BBX: variants seen among roughly 807,000 people sequenced by gnomAD.
BBX encodes the protein BBX high mobility group box domain containing.
BBX carries 30 observed loss-of-function variants against 100.2 expected under a neutral mutation model. That is an observed-to-expected ratio of 0.30 (90% confidence interval 0.22 to 0.41). The LOEUF is 0.41. BBX is among the 10% of genes least tolerant of loss of function. BBX has a pLI of 1.00. For synonymous variants in BBX, 376 were observed against 388.1 expected (o/e 0.97, Z 0.37); for missense variants, 1,023 against 1,129.8 (o/e 0.91, Z 1.35).
chr3:107,662,797 A>G (rs1301173843), intron 3 of BBX: 4 of 152,138 alleles, frequency 2.6e-5, no homozygotes, highest in South Asian at 2.1e-4. Context: ...TGGGCAATCT[A>G]CTTCACAATG....
chr3:107,708,791 G>A (rs559847836), intron 3 of BBX, among the ~76,000 whole-genome samples: 4 of 152,098 alleles, frequency 2.6e-5, no homozygotes, highest in South Asian at 2.1e-4. Context: ...AGTAGACTCA[G>A]TAAATTGTGA....
At chr3:107,601,200 A>G (rs1279336267) in intron 2 of BBX, among the ~76,000 whole-genome samples, 2 of 152,144 alleles carry the variant, frequency 1.3e-5, no homozygotes, top group South Asian at 2.1e-4. Context: ...GGCCGTTCCC[A>G]TCTTTCTCCC....
intron 13 of BBX, 23 bp downstream of exon 13, chr3:107,778,542 C>G: frequency 6.2e-7 from 1 of 1,608,614 alleles, no homozygotes; most frequent in South Asian, 1.1e-5. Flanking sequence ...CTGTACCTTC[C>G]TGCCATGTGG....
intron 2 of BBX, among the ~76,000 whole-genome samples, chr3:107,600,146 A>G (rs1054855674): frequency 1.3e-5 from 2 of 152,276 alleles, no homozygotes; most frequent in African/African-American, 4.8e-5. Flanking sequence ...TATTAAGGCC[A>G]GAAGCCTTTT....
chr3:107,615,148 T>A (rs1342088492), intron 2 of BBX, among the ~76,000 whole-genome samples: 1 of 152,190 alleles, frequency 6.6e-6, no homozygotes, highest in Non-Finnish European at 1.5e-5. Flanking sequence ...TATTGGTGTT[T>A]CAACAAGCTG....
chr3:107,709,946 T>G (rs2061614610), intron 3 of BBX, among the ~76,000 whole-genome samples: 1 of 152,280 alleles, frequency 6.6e-6, no homozygotes, highest in African/African-American at 2.4e-5. Context: ...AGTAATATTG[T>G]AAGCACAGAT....
At chr3:107,779,861 G>A (rs1463309485) in intron 13 of BBX, among the ~76,000 whole-genome samples, 1 of 152,022 alleles carries the variant, frequency 6.6e-6, no homozygotes, top group African/African-American at 2.4e-5. Context: ...GAACTGAAAG[G>A]TTGAAGAAAA....
intron 17 of BBX, among the ~76,000 whole-genome samples, chr3:107,801,608 C>A (rs73850173): frequency 2.6e-5 from 4 of 152,158 alleles, no homozygotes; most frequent in Non-Finnish European, 4.4e-5. Context: ...CTAGCTCCAT[C>A]ACCTGCAAAC....
chr3:107,723,585 G>A (rs553545484), intron 5 of BBX, among the ~76,000 whole-genome samples: 21 of 151,804 alleles, frequency 1.4e-4, no homozygotes, highest in Middle Eastern at 3.4e-3. Context: ...AACAGGCCCC[G>A]GTGTGTGATG....
intron 2 of BBX, among the ~76,000 whole-genome samples, chr3:107,631,319 A>T (rs1027071242): frequency 6.6e-6 from 1 of 152,216 alleles, no homozygotes; most frequent in Admixed American, 6.5e-5. Flanking sequence ...TGGATAAAAA[A>T]TAGTGAAGAT....
intron 10 of BBX, among the ~76,000 whole-genome samples, chr3:107,765,201 G>A (rs530475028): frequency 6.6e-6 from 1 of 152,276 alleles, no homozygotes; most frequent in East Asian, 1.9e-4. Flanking sequence ...GCTCCAGAGG[G>A]ATGGTTATTA....
At chr3:107,592,211 G>A (rs1345531073) in intron 2 of BBX, among the ~76,000 whole-genome samples, 1 of 151,832 alleles carries the variant, frequency 6.6e-6, no homozygotes, top group Non-Finnish European at 1.5e-5. Flanking sequence ...TAAAAATGGT[G>A]TATTAAACAG....
rs943442556 is a variant in BBX, at chr3:107,791,096, A to G, written c.2294-144A>G. 8.4e-6 allele frequency: 5 copies of G among 595,828 alleles called. No homozygotes were observed. In the African/African-American group the frequency reaches 9.2e-5, roughly 11 times the overall value. The allele number at this position is 595,828 out of a possible 1,614,324, so 36.9% of individuals were successfully genotyped here. A position where few individuals can be genotyped will look rare whatever the true frequency, so the allele number is the denominator to read the frequency against. On this transcript the variant is annotated intron_variant, in intron 14 of 17. Coordinates refer to ENST00000325805, the MANE Select transcript of BBX (RefSeq NM_001142568.3). ...TATTTTAGTTGGCAAATACCATTTT[A>G]AGAATTAAGTAATTGACATAAAATT... is the stretch of plus-strand genomic sequence containing the variant.
chr3:107,643,935 T>C (rs2057369044), intron 2 of BBX, among the ~76,000 whole-genome samples: 1 of 152,148 alleles, frequency 6.6e-6, no homozygotes, highest in African/African-American at 2.4e-5. Context: ...CTGTGGCTGA[T>C]TTCCTGGCTT....
In BBX at chr3:107,747,950, C is replaced by T. The variant is rs756080931; in HGVS notation, c.751-15C>T. 3 of 1,601,600 alleles carry T rather than the reference C, an allele frequency of 1.9e-6. No individual in the cohort carries two copies. The South Asian group carries it at 3.4e-5, about 18-fold the overall frequency. On this transcript the variant is annotated splice_polypyrimidine_tract_variant and intron_variant, in intron 8 of 17. Transcript: ENST00000325805. ...AAATGTCATTGTATATTAAAAATTG[C>T]TTGTTTCCTTTCAGATATCTTCAAG...
intron 7 of BBX, among the ~76,000 whole-genome samples, chr3:107,743,098 T>C (rs912622602): frequency 2.0e-5 from 3 of 152,174 alleles, no homozygotes; most frequent in Non-Finnish European, 2.9e-5. Flanking sequence ...TCCAAATATA[T>C]TTTATAGATT....
chr3:107,665,928 T>C lies in BBX; in HGVS notation c.-10+20019T>C, dbSNP rs74398953. ...GTTTCTTCCTTTCTATTGTGGTTCCTCTGCTTGGGACACCTCAACTCCAGG... is the reference window on the plus strand; with the variant it reads ...GTTTCTTCCTTTCTATTGTGGTTCCCCTGCTTGGGACACCTCAACTCCAGG... On this transcript the variant is annotated intron_variant, in intron 3 of 17. Coordinates refer to ENST00000325805, the MANE Select transcript of BBX (RefSeq NM_001142568.3). Among the ~76,000 whole-genome samples, 637 of 152,328 alleles carry C rather than the reference T, an allele frequency of 4.2e-3. 6 individuals are homozygous for C. Among genetic ancestry groups the C allele is most frequent in the African/African-American group, 0.013 (547 of 41,576 alleles).
At chr3:107,795,023 T>C (rs2069463165) in intron 15 of BBX, among the ~76,000 whole-genome samples, 1 of 152,214 alleles carries the variant, frequency 6.6e-6, no homozygotes, top group African/African-American at 2.4e-5. Context: ...AGTGGATTTG[T>C]TCTGAAGTGT....
Position 107,687,850 on chromosome 3 carries a change from T to A in BBX, c.-9-22602T>A, listed in dbSNP as rs2059936360. Among the ~76,000 whole-genome samples the A allele has an allele frequency of 2.0e-5, 3 of 151,840 alleles. No individual in the cohort carries two copies. In the South Asian group the frequency reaches 6.2e-4, roughly 32 times the overall value. ...TGGGAGGATCACCTGAGGTCAGGAG[T>A]TCGAGACCAGCTTGGCCAACATGGC... On this transcript the variant is annotated intron_variant, in intron 3 of 17. Transcript: ENST00000325805.
Sources: allele counts gnomAD v4.1 joint callset (sites outside exome capture counted in the v4.1 genomes callset), GRCh38; gene constraint gnomAD v4.1.1; transcripts MANE v1.5; gene names NCBI Gene and HGNC (gene_info 2026-07-23, HGNC 2026-07-21).